The following KCNH8 variants were observed in gnomAD, a reference collection of about 807,000 sequenced individuals.
The protein encoded by KCNH8 is potassium voltage-gated channel subfamily H member 8.
KCNH8 carries 70 observed loss-of-function variants against 103.6 expected under a neutral mutation model. The observed-to-expected ratio is 0.68, with a 90% CI of 0.56 to 0.82. The LOEUF is 0.82. KCNH8 is among the 40% of genes least tolerant of loss of function. The pLI, the probability that KCNH8 is intolerant of heterozygous loss-of-function variation, is 0.00. For synonymous variants in KCNH8, 498 were observed against 489.4 expected (o/e 1.02, Z -0.23); for missense variants, 1,217 against 1,329.9 (o/e 0.92, Z 1.32).
chr3:19,335,545 C>G (rs1454217769), intron 3 of KCNH8, among the ~76,000 whole-genome samples: 1 of 147,292 alleles, frequency 6.8e-6, no homozygotes, highest in Non-Finnish European at 1.5e-5. Flanking sequence ...ACCAAGTTTT[C>G]CAGAGTTGTA....
intron 7 of KCNH8, 117 bp from the exon 8 acceptor site, chr3:19,438,044 CCTT>C (rs1167600628): frequency 3.9e-6 from 3 of 771,154 alleles, no homozygotes; most frequent in South Asian, 1.7e-5. Flanking sequence ...TTCCTTTTTA[CCTT>C]CTTCTTCCTC....
chr3:19,526,548 A>G (rs1004574486), intron 15 of KCNH8, among the ~76,000 whole-genome samples: 6 of 151,996 alleles, frequency 3.9e-5, no homozygotes, highest in African/African-American at 7.2e-5. Flanking sequence ...ACCACACACC[A>G]GAACAGTAAA....
rs543514742 is a variant in KCNH8, at chr3:19,163,399, G to T, written c.76+14604G>T. 3.3e-5 allele frequency among the ~76,000 whole-genome samples: 5 copies of T among 150,272 alleles called. No individual in the cohort carries two copies. In the East Asian group the frequency reaches 7.7e-4, roughly 23 times the overall value. On this transcript the variant is annotated intron_variant, in intron 1 of 15. Coordinates refer to ENST00000328405, the MANE Select transcript of KCNH8 (RefSeq NM_144633.3). ...TCAAAACTAAAACCAAATACTTAAA[G>T]AATTATATTATTATTTAATACTTAC... is the stretch of plus-strand genomic sequence containing the variant.
At chr3:19,424,434 A>G (rs897538144) in intron 7 of KCNH8, among the ~76,000 whole-genome samples, 2 of 152,080 alleles carry the variant, frequency 1.3e-5, no homozygotes, top group African/African-American at 4.8e-5. Context: ...CTGGATCCTC[A>G]TCTCTCACCT....
intron 15 of KCNH8, among the ~76,000 whole-genome samples, chr3:19,520,486 T>G (rs148430885): frequency 6.6e-6 from 1 of 152,074 alleles, no homozygotes; most frequent in Admixed American, 6.6e-5. Context: ...CAAATGGACT[T>G]CAAACTGTAA....
chr3:19,213,785 A>G (rs75208908), intron 1 of KCNH8, among the ~76,000 whole-genome samples: 4,047 of 152,312 alleles, frequency 0.027, 179 homozygotes, highest in African/African-American at 0.091. Flanking sequence ...GAGGGACAAT[A>G]GAGGAGGAAA....
intron 2 of KCNH8, among the ~76,000 whole-genome samples, chr3:19,267,026 G>C (rs897382397): frequency 6.6e-6 from 1 of 152,046 alleles, no homozygotes; most frequent in East Asian, 1.9e-4. Flanking sequence ...TTGTTCTAAG[G>C]CATTTTAATT....
chr3:19,442,677 T>C (rs2067300930), intron 8 of KCNH8, among the ~76,000 whole-genome samples: 2 of 152,176 alleles, frequency 1.3e-5, no homozygotes. Flanking sequence ...AACTATTCAT[T>C]TGAAAGTCAA....
chr3:19,312,626 T>C (rs1244515814), intron 3 of KCNH8, among the ~76,000 whole-genome samples: 1 of 151,966 alleles, frequency 6.6e-6, no homozygotes, highest in Non-Finnish European at 1.5e-5. Flanking sequence ...GTAATATTAG[T>C]AAATATTATT....
intron 3 of KCNH8, among the ~76,000 whole-genome samples, chr3:19,296,689 TGAAG>T (rs1276442766): frequency 2.0e-5 from 3 of 152,222 alleles, no homozygotes; most frequent in East Asian, 3.9e-4. Context: ...TTTGGGGACT[TGAAG>T]GAAAGGGTGG....
chr3:19,487,319 C>T (rs981152791), intron 11 of KCNH8, among the ~76,000 whole-genome samples: 19 of 152,166 alleles, frequency 1.2e-4, no homozygotes, highest in African/African-American at 3.4e-4. Flanking sequence ...CAATGTGTAA[C>T]GGTTAGGAAC....
At chr3:19,187,274 C>A (rs2063511512) in intron 1 of KCNH8, among the ~76,000 whole-genome samples, 1 of 151,682 alleles carries the variant, frequency 6.6e-6, no homozygotes, top group South Asian at 2.1e-4. Flanking sequence ...AGTTATTATA[C>A]ATAATAAATG....
At chr3:19,327,785 C>T (rs989241924) in intron 3 of KCNH8, among the ~76,000 whole-genome samples, 1 of 152,140 alleles carries the variant, frequency 6.6e-6, no homozygotes, top group African/African-American at 2.4e-5. Flanking sequence ...GTTTTAGAAA[C>T]ATATAGACCT....
chr3:19,528,955 G>C (rs1270574674), intron 15 of KCNH8, among the ~76,000 whole-genome samples: 2 of 152,078 alleles, frequency 1.3e-5, no homozygotes, highest in African/African-American at 2.4e-5. Flanking sequence ...GCCAAGGAAA[G>C]GCTCTGCTGA....
chr3:19,412,864 T>C (rs750158683), intron 7 of KCNH8, among the ~76,000 whole-genome samples: 71 of 152,008 alleles, frequency 4.7e-4, no homozygotes, highest in Non-Finnish European at 8.1e-4. Context: ...TATTATAATA[T>C]AAAAAATAAT....
chr3:19,252,517 G>A (rs1233809661), intron 1 of KCNH8, among the ~76,000 whole-genome samples: 2 of 151,828 alleles, frequency 1.3e-5, no homozygotes, highest in African/African-American at 2.4e-5. Context: ...AGCCTCCTGA[G>A]TAGCTGGGAT....
At chr3:19,149,063 A>C (rs770499927) in intron 1 of KCNH8, among the ~76,000 whole-genome samples, 1 of 152,092 alleles carries the variant, frequency 6.6e-6, no homozygotes, top group Non-Finnish European at 1.5e-5. Flanking sequence ...GCCCGTATTC[A>C]CTGTGGGACC....
intron 1 of KCNH8, among the ~76,000 whole-genome samples, chr3:19,217,034 T>C (rs1432268864): frequency 1.3e-5 from 2 of 152,214 alleles, no homozygotes; most frequent in Non-Finnish European, 2.9e-5. Context: ...CATCTTTCTG[T>C]AGAGGATGAT....
intron 3 of KCNH8, among the ~76,000 whole-genome samples, chr3:19,291,693 T>G (rs1045895747): frequency 2.6e-5 from 4 of 152,280 alleles, no homozygotes; most frequent in Non-Finnish European, 5.9e-5. Flanking sequence ...ATAGGTGTGG[T>G]GTGGTGCTGA....
Sources: allele counts gnomAD v4.1 joint callset (sites outside exome capture counted in the v4.1 genomes callset), GRCh38; gene constraint gnomAD v4.1.1; transcripts MANE v1.5; gene names NCBI Gene and HGNC (gene_info 2026-07-23, HGNC 2026-07-21).